The following NR3C2 variants were observed in gnomAD, a reference collection of about 807,000 sequenced individuals.
The protein encoded by NR3C2 is nuclear receptor subfamily 3 group C member 2.
In NR3C2, 15 loss-of-function variants were observed where a neutral mutation model predicts 86.4. That is an observed-to-expected ratio of 0.17 (90% CI 0.12 to 0.27). The LOEUF (loss-of-function observed/expected upper bound fraction) is 0.27. Ranked by LOEUF, NR3C2 falls within the 10% of genes least tolerant of loss-of-function variation. The pLI is 1.00. For missense variants in NR3C2, 960 were observed against 1,195.6 expected, an observed-to-expected ratio of 0.80 and a Z score of 2.91; for synonymous variants, 458 against 450.5, an observed-to-expected ratio of 1.02 and a Z score of -0.21.
chr4:148,113,438 C>T (rs1459740884), intron 8 of NR3C2, among the ~76,000 whole-genome samples: 3 of 152,104 alleles, frequency 2.0e-5, no homozygotes, highest in African/African-American at 2.4e-5. Flanking sequence ...AATCTGACAC[C>T]TGTAGCAAAT....
At chr4:148,373,418 C>T (rs945364996) in intron 2 of NR3C2, among the ~76,000 whole-genome samples, 1 of 151,222 alleles carries the variant, frequency 6.6e-6, no homozygotes. Flanking sequence ...TTCTCCCAAG[C>T]AGAGTACCTT....
intron 8 of NR3C2, among the ~76,000 whole-genome samples, 162 bp from the exon 9 acceptor site, chr4:148,081,661 A>C (rs1578859812): frequency 6.6e-6 from 1 of 152,290 alleles, no homozygotes; most frequent in African/African-American, 2.4e-5. Flanking sequence ...TGGGAGAGGA[A>C]GAAGGGTGCT....
intron 2 of NR3C2, among the ~76,000 whole-genome samples, chr4:148,312,583 G>T (rs568158675): frequency 3.7e-4 from 56 of 152,266 alleles, no homozygotes; most frequent in Non-Finnish European, 6.8e-4. Flanking sequence ...AGGAATGAAA[G>T]AATGAATTTC....
chr4:148,366,505 A>C (rs1254952597), intron 2 of NR3C2, among the ~76,000 whole-genome samples: 1 of 686 alleles, frequency 1.5e-3, no homozygotes, highest in East Asian at 0.045. Context: ...AAGAATACTA[A>C]GATATTCTAG....
intron 2 of NR3C2, among the ~76,000 whole-genome samples, chr4:148,299,376 TG>T (rs937184684): frequency 3.9e-5 from 6 of 152,300 alleles, no homozygotes; most frequent in Admixed American, 6.5e-5. Flanking sequence ...CCTGTCGCTC[TG>T]GGGGGTTAGA....
intron 2 of NR3C2, among the ~76,000 whole-genome samples, chr4:148,285,583 T>A (rs1579107133): frequency 6.6e-6 from 1 of 152,084 alleles, no homozygotes; most frequent in Non-Finnish European, 1.5e-5. Context: ...GACGTGCGCC[T>A]GTAGTCCCAG....
upstream of NR3C2, chr4:148,442,983 G>A: frequency 3.0e-6 from 3 of 985,242 alleles, no homozygotes; most frequent in East Asian, 1.1e-4. Flanking sequence ...CCAGACCCTG[G>A]CGCCGCCCAA....
intron 3 of NR3C2, among the ~76,000 whole-genome samples, chr4:148,197,868 AT>A (rs1736512719): frequency 1.3e-5 from 2 of 152,204 alleles, no homozygotes; most frequent in Non-Finnish European, 2.9e-5. Flanking sequence ...CTTAATTCAT[AT>A]TAAACCAACA....
At chr4:148,398,900 G>T (rs1033864583) in intron 2 of NR3C2, among the ~76,000 whole-genome samples, 1 of 152,202 alleles carries the variant, frequency 6.6e-6, no homozygotes, top group African/African-American at 2.4e-5. Flanking sequence ...AGAGCGAGGG[G>T]TTCAGAGAGT....
intron 2 of NR3C2, among the ~76,000 whole-genome samples, chr4:148,364,790 G>A (rs1360657371): frequency 6.6e-6 from 1 of 150,750 alleles, no homozygotes; most frequent in African/African-American, 2.4e-5. Context: ...AAATTGCTCG[G>A]GACCAGAAGT....
intron 2 of NR3C2, among the ~76,000 whole-genome samples, chr4:148,331,917 G>A (rs1365216010): frequency 1.3e-5 from 2 of 152,244 alleles, no homozygotes; most frequent in African/African-American, 4.8e-5. Context: ...GGTGCAGTAA[G>A]AGTATCTGCT....
At chr4:148,287,633 T>C (rs1741589182) in intron 2 of NR3C2, among the ~76,000 whole-genome samples, 2 of 152,174 alleles carry the variant, frequency 1.3e-5, no homozygotes, top group African/African-American at 2.4e-5. Context: ...AGAAAACTAT[T>C]TGATAAAACA....
At chr4:148,169,506 T>A (rs550338987) in intron 4 of NR3C2, among the ~76,000 whole-genome samples, 29 of 151,096 alleles carry the variant, frequency 1.9e-4, no homozygotes, top group African/African-American at 3.1e-4. Flanking sequence ...TTATGATTTT[T>A]TATATATATA....
intron 2 of NR3C2, among the ~76,000 whole-genome samples, chr4:148,397,371 T>C (rs1001387329): frequency 6.6e-6 from 1 of 152,198 alleles, no homozygotes; most frequent in Admixed American, 6.5e-5. Context: ...TAGGAAAGTG[T>C]CTGGAGCCAG....
At chr4:148,300,739 C>A (rs974058039) in intron 2 of NR3C2, among the ~76,000 whole-genome samples, 14 of 151,892 alleles carry the variant, frequency 9.2e-5, no homozygotes, top group African/African-American at 3.1e-4. Flanking sequence ...TGCCCAGCTA[C>A]TTTTGTATTT....
chr4:148,354,500 T>C (rs1427374833), intron 2 of NR3C2, among the ~76,000 whole-genome samples: 3 of 152,050 alleles, frequency 2.0e-5, no homozygotes, highest in African/African-American at 7.2e-5. Flanking sequence ...ATCCTGCAGG[T>C]AGCCACTCAC....
At chr4:148,229,564 G>A (rs930449949) in intron 3 of NR3C2, among the ~76,000 whole-genome samples, 2 of 152,058 alleles carry the variant, frequency 1.3e-5, no homozygotes, top group East Asian at 1.9e-4. Flanking sequence ...TGGGCTCTGG[G>A]TTTCTTGGCA....
At chr4:148,199,101 AAGT>A (rs1432171950) in intron 3 of NR3C2, among the ~76,000 whole-genome samples, 2 of 151,300 alleles carry the variant, frequency 1.3e-5, no homozygotes, top group Non-Finnish European at 2.9e-5. Flanking sequence ...AAAAAAAAAA[AAGT>A]AGGATGAGAA....
intron 2 of NR3C2, among the ~76,000 whole-genome samples, chr4:148,284,271 C>T (rs1318336688): frequency 6.6e-6 from 1 of 152,020 alleles, no homozygotes; most frequent in Non-Finnish European, 1.5e-5. Context: ...GAAGGCCAAC[C>T]CTCTACTCTG....
Sources: gnomAD v4.1 joint callset for allele counts (sites outside exome capture counted in the v4.1 genomes callset) on GRCh38, gnomAD v4.1.1 for gene constraint, MANE v1.5 for transcripts, NCBI Gene and HGNC (gene_info 2026-07-23, HGNC 2026-07-21) for gene names.